MEMO1: variants seen among roughly 807,000 people sequenced by gnomAD.
MEMO1 encodes mediator of cell motility 1, also known as protein MEMO1.
In MEMO1, 6 loss-of-function variants were observed where a neutral mutation model predicts 45.2. The ratio of observed to expected loss-of-function variants is 0.13; its 90% CI spans 0.07 to 0.26. The LOEUF is 0.26. Among genes scored for constraint, MEMO1 ranks in the 10% least tolerant of loss-of-function variants. The pLI is 1.00. For synonymous variants in MEMO1, 78 were observed against 124.3 expected, an observed-to-expected ratio of 0.63 and a Z score of 2.48; for missense variants, 184 against 370.5, an observed-to-expected ratio of 0.50 and a Z score of 4.13.
In MEMO1 at chr2:32,002,178, T is replaced by TAC. The variant is rs1376853287; in HGVS notation, c.61+8008_61+8009insGT. Among the ~76,000 whole-genome samples, 10 of 127,794 alleles carry TAC rather than the reference T, an allele frequency of 7.8e-5. No homozygotes were observed. In the South Asian group the frequency reaches 2.3e-3, roughly 29 times the overall value. 83.8% of individuals were successfully genotyped at this position (127,794 alleles called of 152,430 possible). Reference sequence around the variant, plus strand: ...AAAAAAAAAAAAAAAAATATATATATATATATATACACACACACACACACA... The same window carrying TAC: ...AAAAAAAAAAAAAAAAATATATATATACATATATATACACACACACACACACA... On this transcript the variant is annotated intron_variant, in intron 2 of 9. Transcript: ENST00000404530.
intron 2 of MEMO1, among the ~76,000 whole-genome samples, chr2:31,974,937 G>A (rs902759560): frequency 8.6e-4 from 131 of 152,192 alleles, no homozygotes; most frequent in African/African-American, 2.9e-3. Context: ...TTGAGAGGCC[G>A]AGGCAAGTGG....
intron 2 of MEMO1, among the ~76,000 whole-genome samples, chr2:31,990,653 C>T (rs915759133): frequency 4.0e-5 from 6 of 150,778 alleles, no homozygotes; most frequent in African/African-American, 1.2e-4. Flanking sequence ...AAGTGATCTG[C>T]CCACTCAGCT....
intron 2 of MEMO1, among the ~76,000 whole-genome samples, chr2:31,985,423 T>C (rs1373005781): frequency 6.6e-6 from 1 of 152,198 alleles, no homozygotes; most frequent in African/African-American, 2.4e-5. Context: ...CCTCCTGGGT[T>C]CAAGTGGTTC....
intron 2 of MEMO1, among the ~76,000 whole-genome samples, chr2:31,995,089 A>G (rs1672427763): frequency 6.6e-6 from 1 of 152,200 alleles, no homozygotes; most frequent in Non-Finnish European, 1.5e-5. Flanking sequence ...CAGAAATTAT[A>G]GATTAAAAAA....
intron 2 of MEMO1, among the ~76,000 whole-genome samples, chr2:31,965,192 A>G (rs981702479): frequency 6.6e-6 from 1 of 151,778 alleles, no homozygotes; most frequent in Non-Finnish European, 1.5e-5. Context: ...CAGCCTGGGC[A>G]ACAAGGGCGA....
At chr2:32,002,517 G>A (rs189561673) in intron 2 of MEMO1, among the ~76,000 whole-genome samples, 8 of 151,602 alleles carry the variant, frequency 5.3e-5, no homozygotes, top group Non-Finnish European at 2.9e-5. Flanking sequence ...TCAGTGTTTC[G>A]GGCAGCATAT....
chr2:31,945,606 A>G (rs1204706131), intron 2 of MEMO1, among the ~76,000 whole-genome samples: 1 of 152,184 alleles, frequency 6.6e-6, no homozygotes, highest in Admixed American at 6.5e-5. Flanking sequence ...AAATCTTTGT[A>G]AAACCCTAGC....
At chr2:31,979,676 G>A (rs1281593180) in intron 2 of MEMO1, among the ~76,000 whole-genome samples, 1 of 151,974 alleles carries the variant, frequency 6.6e-6, no homozygotes, top group Non-Finnish European at 1.5e-5. Context: ...AAAAAATAAA[G>A]TATTAAAAAA....
At chr2:31,991,197 G>C (rs1671900456) in intron 2 of MEMO1, among the ~76,000 whole-genome samples, 1 of 152,094 alleles carries the variant, frequency 6.6e-6, no homozygotes, top group South Asian at 2.1e-4. Flanking sequence ...ATTGATAAAA[G>C]CAACCACCTA....
chr2:31,982,068 G>A (rs1233643724), intron 2 of MEMO1, among the ~76,000 whole-genome samples: 6 of 152,054 alleles, frequency 3.9e-5, no homozygotes, highest in African/African-American at 1.4e-4. Context: ...AGAGACCAAG[G>A]TGGGTGGATC....
intron 2 of MEMO1, among the ~76,000 whole-genome samples, chr2:31,991,465 G>A (rs1298970755): frequency 6.6e-6 from 1 of 151,876 alleles, no homozygotes; most frequent in Non-Finnish European, 1.5e-5. Context: ...CAGCTACTTG[G>A]GAGACTAAGG....
chr2:31,979,650 C>T (rs1670409728), intron 2 of MEMO1, among the ~76,000 whole-genome samples: 1 of 151,686 alleles, frequency 6.6e-6, no homozygotes, highest in Non-Finnish European at 1.5e-5. Flanking sequence ...AATTTTAATC[C>T]CAATTTTTTA....
rs568071928 is a variant in MEMO1, at chr2:31,892,251, A to G, written c.438-117T>C. On this transcript the variant is annotated intron_variant, in intron 6 of 9. Transcript: ENST00000404530. ...TAATAGTGGTAAGGATAACATATGT[A>G]ATTATTATTGATGAATTCTTAAAAT... The G allele has an allele frequency of 5.5e-5, 47 of 848,420 alleles. No homozygotes were observed. The African/African-American group carries it at 6.8e-4, about 12-fold the overall frequency. 52.6% of individuals were successfully genotyped at this position (848,420 alleles called of 1,614,324 possible). A position where few individuals can be genotyped will look rare whatever the true frequency, so the allele number is the denominator to read the frequency against.
At chr2:31,876,650 A>G (rs1465585824) in intron 8 of MEMO1, among the ~76,000 whole-genome samples, 1 of 152,198 alleles carries the variant, frequency 6.6e-6, no homozygotes, top group African/African-American at 2.4e-5. Context: ...AACAGCAAAC[A>G]TAACATATCC....
At position 31,949,024 on chromosome 2, in the gene MEMO1, G is replaced by A. The variant is rs150699973; in HGVS notation, c.62-5641C>T. Among the ~76,000 whole-genome samples, 299 of 152,240 alleles carry A rather than the reference G, an allele frequency of 2.0e-3. 1 individual carries two copies. Among genetic ancestry groups the A allele is most frequent in the African/African-American group, 7.0e-3 (289 of 41,544 alleles). On this transcript the variant is annotated intron_variant, in intron 2 of 9. Transcript: ENST00000404530. ...ATATGAAAAGGTGCTCAACATCACC[G>A]ATGATCACAGAATGCAAATCAAAAC...
intron 2 of MEMO1, among the ~76,000 whole-genome samples, chr2:31,969,574 GGTGTGTGTGTGGGTGTGTGTGT>G (rs1669077480): frequency 4.5e-5 from 5 of 110,784 alleles, no homozygotes; most frequent in East Asian, 5.1e-4. Context: ...CTTTTCTGGG[GGTGTGTGTGTGGGTGTGTGTGT>G]GTGTGTGTGT....
intron 6 of MEMO1, among the ~76,000 whole-genome samples, chr2:31,900,180 G>GTA (rs1179861458): frequency 3.9e-5 from 6 of 152,156 alleles, no homozygotes; most frequent in Non-Finnish European, 7.4e-5. Flanking sequence ...CCATTACTGG[G>GTA]TATATACCCA....
intron 8 of MEMO1, among the ~76,000 whole-genome samples, chr2:31,870,197 G>A (rs912536498): frequency 6.6e-6 from 1 of 151,916 alleles, no homozygotes; most frequent in Non-Finnish European, 1.5e-5. Context: ...CAAACTCCAG[G>A]TATGTTTCTA....
At chr2:31,963,790 T>C (rs1215603688) in intron 2 of MEMO1, among the ~76,000 whole-genome samples, 1 of 152,198 alleles carries the variant, frequency 6.6e-6, no homozygotes, top group Admixed American at 6.5e-5. Flanking sequence ...TGATCAGTTC[T>C]CTAAATCTGT....
Sources: allele counts gnomAD v4.1 joint callset (sites outside exome capture counted in the v4.1 genomes callset), GRCh38; gene constraint gnomAD v4.1.1; transcripts MANE v1.5; gene names NCBI Gene and HGNC (gene_info 2026-07-23, HGNC 2026-07-21).